Variants in AGBL1 observed in about 807,000 individuals in gnomAD.
AGBL1 encodes cytosolic carboxypeptidase 4.
Under a neutral mutation model 118.9 loss-of-function variants are expected in AGBL1, and 130 were observed. The observed-to-expected ratio is 1.09, with a 90% CI of 0.95 to 1.26. The LOEUF (loss-of-function observed/expected upper bound fraction) is 1.26. Ranked by LOEUF, AGBL1 falls within the 50% of genes most tolerant of loss-of-function variation. AGBL1 has a pLI of 0.00. For synonymous variants in AGBL1, 555 were observed against 478.9 expected, an observed-to-expected ratio of 1.16 and a Z score of -2.08; for missense variants, 1,584 against 1,298.1, an observed-to-expected ratio of 1.22 and a Z score of -3.38.
chr15:86,758,966 CAAAAAAA>C (rs80297816), intron 22 of AGBL1, among the ~76,000 whole-genome samples: 7 of 80,908 alleles, frequency 8.7e-5, no homozygotes, highest in Middle Eastern at 8.1e-3. Context: ...GACACCCTGT[CAAAAAAA>C]AAAAAAAAAA....
chr15:86,497,644 G>C (rs1219874360), intron 18 of AGBL1, among the ~76,000 whole-genome samples: 1 of 151,916 alleles, frequency 6.6e-6, no homozygotes, highest in Non-Finnish European at 1.5e-5. Flanking sequence ...TTCTGAACTG[G>C]AGTGGGAGGG....
rs144908442 is a variant in AGBL1 at position 86,674,577 on chromosome 15, T to C, written c.3158+141T>C. 3.6e-4 allele frequency: 304 copies of C among 841,678 alleles called. 2 individuals carry two copies. In the African/African-American group the frequency reaches 4.7e-3, roughly 13 times the overall value. The allele number at this position is 841,678 out of a possible 1,614,324, so 52.1% of individuals were successfully genotyped here. A position where few individuals can be genotyped will look rare whatever the true frequency, so the allele number is the denominator to read the frequency against. On this transcript the variant is annotated intron_variant, in intron 22 of 22. Coordinates refer to ENST00000614907, the MANE Select transcript of AGBL1 (RefSeq NM_001386094.1). ...AATTCCCAAGTAAAGGTAGGTACAC[T>C]ATCTCGTTTCCTACTGATGAAAAAG...
In AGBL1 at chr15:86,946,934, G is replaced by A. The variant is rs138463723; in HGVS notation, c.3222-41053G>A. Among the ~76,000 whole-genome samples the A allele has an allele frequency of 5.5e-3, 835 of 151,280 alleles. 12 individuals are homozygous for A. Among genetic ancestry groups the A allele is most frequent in the African/African-American group, 0.019 (801 of 41,204 alleles). ...GAGATGGGAATTGATTCATCCCTTC[G>A]CATGTCCCCTGCCCATTACTCAGAA... On this transcript the variant is annotated intron_variant, in intron 23 of 24. Transcript: ENST00000441037.
intron 18 of AGBL1, among the ~76,000 whole-genome samples, chr15:86,438,289 A>T (rs1159348876): frequency 1.3e-5 from 2 of 152,328 alleles, no homozygotes; most frequent in East Asian, 3.9e-4. Context: ...GAGAGATCTG[A>T]CATGAAATGC....
At chr15:86,565,393 C>A (rs2083897846) in intron 21 of AGBL1, among the ~76,000 whole-genome samples, 1 of 152,258 alleles carries the variant, frequency 6.6e-6, no homozygotes, top group African/African-American at 2.4e-5. Context: ...TGCTGGACGT[C>A]CACTCCAGAC....
At chr15:86,122,793 C>G (rs1291464590) in intron 1 of AGBL1, among the ~76,000 whole-genome samples, 1 of 152,154 alleles carries the variant, frequency 6.6e-6, no homozygotes, top group Non-Finnish European at 1.5e-5. Context: ...AAGACTAGTT[C>G]AGGCCATGAT....
At chr15:86,459,462 C>T (rs542886078) in intron 18 of AGBL1, among the ~76,000 whole-genome samples, 2 of 152,136 alleles carry the variant, frequency 1.3e-5, no homozygotes, top group Non-Finnish European at 2.9e-5. Flanking sequence ...GTGATTAAAT[C>T]TTTATTCAAT....
At chr15:86,823,480 G>T (rs1047686017) in intron 22 of AGBL1, among the ~76,000 whole-genome samples, 34 of 152,066 alleles carry the variant, frequency 2.2e-4, no homozygotes, top group African/African-American at 8.0e-4. Context: ...AGTCTTTCTC[G>T]TATCCTTCAT....
rs138744632 is a variant in AGBL1, at chr15:86,849,163, T to C, written c.3159-57924T>C. ...ATCCATCGCCAGTTCTGAAGGAGAT[T>C]GAGAAAAGATTGGTGCTGTAAACTT... On this transcript the variant is annotated intron_variant, in intron 22 of 22. Coordinates refer to ENST00000614907, the MANE Select transcript of AGBL1 (RefSeq NM_001386094.1). Among the ~76,000 whole-genome samples, 1,263 of 152,324 alleles carry C rather than the reference T, an allele frequency of 8.3e-3. 10 individuals are homozygous for C. Among genetic ancestry groups the C allele is most frequent in the South Asian group, 0.015 (70 of 4,826 alleles).
chr15:86,715,724 G>T (rs1029154225), intron 22 of AGBL1, among the ~76,000 whole-genome samples: 1 of 152,270 alleles, frequency 6.6e-6, no homozygotes, highest in Non-Finnish European at 1.5e-5. Context: ...CAGGGAAAAT[G>T]TATAATTAAT....
chr15:86,596,656 T>C (rs548177765), intron 21 of AGBL1, among the ~76,000 whole-genome samples: 1 of 152,232 alleles, frequency 6.6e-6, no homozygotes, highest in Non-Finnish European at 1.5e-5. Context: ...TCAACTTTCA[T>C]CCATCCTCCT....
chr15:86,164,807 T>G (rs550782853), intron 5 of AGBL1, among the ~76,000 whole-genome samples: 16 of 152,172 alleles, frequency 1.1e-4, no homozygotes, highest in Non-Finnish European at 2.4e-4. Context: ...CTCTGACCAT[T>G]GCTCCACACT....
At chr15:86,215,264 T>TGTGTGTGTGTGTGTGA (rs1444877454) in intron 5 of AGBL1, among the ~76,000 whole-genome samples, 1 of 149,904 alleles carries the variant, frequency 6.7e-6, no homozygotes, top group Non-Finnish European at 1.5e-5. Flanking sequence ...TGTGTGTGTG[T>TGTGTGTGTGTGTGTGA]GATTTTATGC....
intron 5 of AGBL1, among the ~76,000 whole-genome samples, chr15:86,191,115 G>A (rs138120120): frequency 1.5e-4 from 23 of 151,914 alleles, no homozygotes; most frequent in African/African-American, 3.9e-4. Flanking sequence ...AGACTGAGGC[G>A]GGGGGATCAC....
At chr15:86,941,594 A>G (rs910711757) in intron 23 of AGBL1, among the ~76,000 whole-genome samples, 5 of 152,172 alleles carry the variant, frequency 3.3e-5, no homozygotes, top group Non-Finnish European at 5.9e-5. Flanking sequence ...GTATATAGAG[A>G]TAATATACGT....
intron 22 of AGBL1, among the ~76,000 whole-genome samples, chr15:86,767,145 G>A (rs1299645801): frequency 6.6e-6 from 1 of 151,956 alleles, no homozygotes; most frequent in Non-Finnish European, 1.5e-5. Flanking sequence ...CTATATAAGT[G>A]AAGCTCAGAT....
chr15:86,590,136 C>T (rs1340241429), intron 21 of AGBL1, among the ~76,000 whole-genome samples: 1 of 152,142 alleles, frequency 6.6e-6, no homozygotes, highest in Non-Finnish European at 1.5e-5. Context: ...AGGCTACACA[C>T]AGAATGGGAG....
intron 24 of AGBL1, among the ~76,000 whole-genome samples, chr15:87,007,325 T>C (rs1368501187): frequency 3.3e-5 from 5 of 152,172 alleles, no homozygotes; most frequent in Non-Finnish European, 7.4e-5. Context: ...TGATCCATAT[T>C]AGATACAGCA....
intron 17 of AGBL1, among the ~76,000 whole-genome samples, chr15:86,370,301 C>CTTTTT (rs5814238): frequency 6.9e-5 from 9 of 131,014 alleles, no homozygotes; most frequent in Non-Finnish European, 4.8e-5. Context: ...GTCTCTATTC[C>CTTTTT]TTTTTTTTTT....
Sources: gnomAD v4.1 joint callset for allele counts (sites outside exome capture counted in the v4.1 genomes callset) on GRCh38, gnomAD v4.1.1 for gene constraint, MANE v1.5 for transcripts, NCBI Gene and HGNC (gene_info 2026-07-23, HGNC 2026-07-21) for gene names.